NMNAT3: variants seen among roughly 807,000 people sequenced by gnomAD.
NMNAT3 encodes nicotinamide nucleotide adenylyltransferase 3.
NMNAT3 carries 21 observed loss-of-function variants against 24.8 expected under a neutral mutation model. The ratio of observed to expected loss-of-function variants is 0.85; its 90% CI spans 0.60 to 1.22. The LOEUF is 1.22. Among genes scored for constraint, NMNAT3 ranks in the 50% most tolerant of loss-of-function variants. The pLI is 0.00. For synonymous variants in NMNAT3, 136 were observed against 155.2 expected (o/e 0.88, Z 0.92); for missense variants, 387 against 436.6 (o/e 0.89, Z 1.01).
chr3:139,666,517 T>A (rs2057587555), intron 1 of NMNAT3, among the ~76,000 whole-genome samples: 1 of 152,226 alleles, frequency 6.6e-6, no homozygotes, highest in African/African-American at 2.4e-5. Context: ...CTTGTGATAT[T>A]TTGCTACATG....
At chr3:139,631,288 C>T (rs936462809) in intron 2 of NMNAT3, among the ~76,000 whole-genome samples, 1 of 152,096 alleles carries the variant, frequency 6.6e-6, no homozygotes, top group Admixed American at 6.5e-5. Flanking sequence ...CAACTAAGTA[C>T]CCTCCCAAGC....
chr3:139,644,195 T>C (rs147741153), intron 1 of NMNAT3, among the ~76,000 whole-genome samples: 48 of 152,322 alleles, frequency 3.2e-4, no homozygotes, highest in African/African-American at 1.1e-3. Flanking sequence ...ATCAACCTAA[T>C]TGATAACACA....
chr3:139,565,547 G>A (rs556634273), intron 6 of NMNAT3: 1 of 149,826 alleles, frequency 6.7e-6, no homozygotes, highest in South Asian at 2.1e-4. Flanking sequence ...ACTGTGTGAT[G>A]TTCCCCTTCC....
rs760779019 is a variant in NMNAT3 at position 139,561,412 on chromosome 3, C to T, written c.659-20G>A. 1 of 1,602,128 alleles carries T rather than the reference C, an allele frequency of 6.2e-7. No individual in the cohort carries two copies. Among genetic ancestry groups the T allele is most frequent in the Non-Finnish European group, 8.5e-7 (1 of 1,172,628 alleles). On this transcript the variant is annotated intron_variant, in intron 6 of 6. Coordinates refer to ENST00000643695, the MANE Select transcript of NMNAT3 (RefSeq NM_001320510.2). ...GCACAGCTGCAAAAACAAGGATGGA[C>T]CCAGTAAAGTTAGAGAGAGGTCACT...
intron 6 of NMNAT3, among the ~76,000 whole-genome samples, chr3:139,563,359 G>A (rs1936708329): frequency 1.3e-5 from 2 of 152,226 alleles, no homozygotes; most frequent in Admixed American, 6.5e-5. Context: ...TATGGGGGAG[G>A]TACTATGATG....
At chr3:139,586,412 CCCA>C (rs1219354375) in intron 3 of NMNAT3, among the ~76,000 whole-genome samples, 2 of 152,226 alleles carry the variant, frequency 1.3e-5, no homozygotes, top group East Asian at 3.9e-4. Flanking sequence ...AAACGTGCTA[CCCA>C]CCACTTTTTG....
intron 3 of NMNAT3, among the ~76,000 whole-genome samples, chr3:139,616,715 CA>C (rs1292976582): frequency 1.3e-5 from 2 of 152,158 alleles, no homozygotes; most frequent in African/African-American, 4.8e-5. Flanking sequence ...ACCCTCTCAT[CA>C]AAAATATTGC....
rs542102849 is a variant in NMNAT3, at chr3:139,591,261, C to T, written c.110-8053G>A. The stretch of plus-strand genomic sequence containing the variant: ...CACCCGAATATTGCGCTTTTCAGAC[C>T]GGCTTAAGAAACGGCGCACGACGAG... On this transcript the variant is annotated intron_variant, in intron 3 of 6. Transcript: ENST00000643695. 5.3e-5 allele frequency among the ~76,000 whole-genome samples: 8 copies of T among 151,822 alleles called. 1 individual carries two copies. In the South Asian group the frequency reaches 1.7e-3, roughly 32 times the overall value.
intron 3 of NMNAT3, among the ~76,000 whole-genome samples, chr3:139,627,323 G>T (rs1043914882): frequency 6.6e-6 from 1 of 152,130 alleles, no homozygotes; most frequent in South Asian, 2.1e-4. Context: ...CAGGAAGGAT[G>T]CCCTGATTGT....
intron 3 of NMNAT3, among the ~76,000 whole-genome samples, chr3:139,610,437 A>G (rs574228203): frequency 6.6e-6 from 1 of 152,392 alleles, no homozygotes; most frequent in South Asian, 2.1e-4. Flanking sequence ...GAAGCCTCAC[A>G]TGATATGAAA....
intron 1 of NMNAT3, among the ~76,000 whole-genome samples, chr3:139,647,154 G>A (rs1406031750): frequency 1.3e-5 from 2 of 152,124 alleles, no homozygotes; most frequent in African/African-American, 4.8e-5. Context: ...AATGAAGATG[G>A]GCACGTTTGT....
intron 1 of NMNAT3, among the ~76,000 whole-genome samples, chr3:139,651,533 T>C (rs987635885): frequency 3.9e-5 from 6 of 152,204 alleles, no homozygotes; most frequent in South Asian, 2.1e-4. Flanking sequence ...CAGACAATAC[T>C]GCTGACCCAC....
chr3:139,598,316 G>T (rs1169020015), intron 3 of NMNAT3, among the ~76,000 whole-genome samples: 1 of 152,136 alleles, frequency 6.6e-6, no homozygotes, highest in East Asian at 1.9e-4. Flanking sequence ...ATTTGTGACT[G>T]CTTTACTCAA....
intron 5 of NMNAT3, among the ~76,000 whole-genome samples, chr3:139,575,113 A>G (rs1939105060): frequency 6.6e-6 from 1 of 152,038 alleles, no homozygotes; most frequent in African/African-American, 2.4e-5. Context: ...GTGAAAAGGG[A>G]CCCCACGGAA....
At chr3:139,583,491 G>T in intron 3 of NMNAT3, 2 of 1,594,536 alleles carry the variant, frequency 1.3e-6, no homozygotes, top group Non-Finnish European at 1.7e-6. Context: ...TTTTGAAGGG[G>T]ATCTTCTGAA....
At chr3:139,661,288 GC>G (rs2057408307) in intron 1 of NMNAT3, among the ~76,000 whole-genome samples, 1 of 152,144 alleles carries the variant, frequency 6.6e-6, no homozygotes, top group South Asian at 2.1e-4. Flanking sequence ...CTAGTGTAGG[GC>G]TGCGTCTAGC....
chr3:139,639,608 T>G (rs748975314), intron 1 of NMNAT3, among the ~76,000 whole-genome samples: 14 of 152,222 alleles, frequency 9.2e-5, no homozygotes, highest in Non-Finnish European at 2.1e-4. Context: ...GGGTATCATG[T>G]GGCCATCTTC....
At chr3:139,653,537 C>T (rs1398569882) in intron 1 of NMNAT3, among the ~76,000 whole-genome samples, 1 of 152,214 alleles carries the variant, frequency 6.6e-6, no homozygotes, top group Non-Finnish European at 1.5e-5. Flanking sequence ...ACAGCCAGCA[C>T]TGACACTTTT....
At chr3:139,598,617 G>A (rs1044782488) in intron 3 of NMNAT3, among the ~76,000 whole-genome samples, 3 of 152,086 alleles carry the variant, frequency 2.0e-5, no homozygotes, top group Non-Finnish European at 4.4e-5. Flanking sequence ...GAGTCCCCAG[G>A]TATCATGGAG....
Sources: gnomAD v4.1 joint callset for allele counts (sites outside exome capture counted in the v4.1 genomes callset) on GRCh38, gnomAD v4.1.1 for gene constraint, MANE v1.5 for transcripts, NCBI Gene and HGNC (gene_info 2026-07-23, HGNC 2026-07-21) for gene names.